The following MMP16 variants were observed in gnomAD, a reference collection of about 807,000 sequenced individuals.
MMP16 encodes the protein matrix metalloproteinase-16.
In MMP16, 12 loss-of-function variants were observed where a neutral mutation model predicts 67.8. The observed-to-expected ratio is 0.18, with a 90% CI of 0.11 to 0.29. The LOEUF (loss-of-function observed/expected upper bound fraction) is 0.29, where lower values mean the gene tolerates loss of function less well. MMP16 is among the 10% of genes least tolerant of loss of function. The pLI, the probability that MMP16 is intolerant of heterozygous loss-of-function variation, is 1.00. For synonymous variants in MMP16, 249 were observed against 255.9 expected, an observed-to-expected ratio of 0.97 and a Z score of 0.26; for missense variants, 475 against 765.7, an observed-to-expected ratio of 0.62 and a Z score of 4.48.
At chr8:88,319,564 A>C (rs1447295053) in intron 1 of MMP16, among the ~76,000 whole-genome samples, 1 of 152,104 alleles carries the variant, frequency 6.6e-6, no homozygotes, top group Non-Finnish European at 1.5e-5. Context: ...AAACAATGAG[A>C]AATTACCAAC....
intron 1 of MMP16, among the ~76,000 whole-genome samples, chr8:88,197,685 T>A (rs935075312): frequency 1.3e-5 from 2 of 152,176 alleles, no homozygotes; most frequent in Non-Finnish European, 2.9e-5. Flanking sequence ...TCTATTGAGA[T>A]GTTTATGTTG....
At chr8:88,146,625 C>G (rs1448546173) in intron 4 of MMP16, among the ~76,000 whole-genome samples, 1 of 151,720 alleles carries the variant, frequency 6.6e-6, no homozygotes, top group Non-Finnish European at 1.5e-5. Context: ...TCTGTGTACA[C>G]TTAGTATTTG....
intron 1 of MMP16, among the ~76,000 whole-genome samples, chr8:88,320,180 G>A (rs916204445): frequency 6.6e-6 from 1 of 152,096 alleles, no homozygotes; most frequent in Non-Finnish European, 1.5e-5. Flanking sequence ...TTAAAAGGAA[G>A]AATAGGTAGA....
chr8:88,046,866 C>A (rs1002129459), intron 8 of MMP16, 82 bp from the exon 9 acceptor site: 35 of 845,402 alleles, frequency 4.1e-5, no homozygotes, highest in Non-Finnish European at 5.8e-5. Flanking sequence ...TAATAGCTGA[C>A]ATTTATTAGA....
chr8:88,096,844 A>G (rs1809036286), intron 6 of MMP16, among the ~76,000 whole-genome samples: 1 of 152,022 alleles, frequency 6.6e-6, no homozygotes, highest in Admixed American at 6.6e-5. Context: ...ATGATTGGAA[A>G]CGCGAGAAAA....
chr8:88,162,568 A>C (rs1808646457), intron 4 of MMP16, among the ~76,000 whole-genome samples: 1 of 152,050 alleles, frequency 6.6e-6, no homozygotes, highest in Admixed American at 6.6e-5. Context: ...AGATGAATTT[A>C]GACAGTATTC....
intron 7 of MMP16, among the ~76,000 whole-genome samples, chr8:88,061,090 C>A (rs1808393115): frequency 6.6e-6 from 1 of 150,584 alleles, no homozygotes; most frequent in South Asian, 2.1e-4. Flanking sequence ...CATAAAAATG[C>A]AAACTTACCC....
intron 3 of MMP16, among the ~76,000 whole-genome samples, chr8:88,184,778 A>AAAAG (rs1809046493): frequency 1.5e-5 from 2 of 130,114 alleles, no homozygotes; most frequent in Admixed American, 8.2e-5. Context: ...AAAAAAAAAA[A>AAAAG]GAAAAGAAAA....
At chr8:88,279,276 T>C (rs987212238) in intron 1 of MMP16, among the ~76,000 whole-genome samples, 10 of 152,218 alleles carry the variant, frequency 6.6e-5, no homozygotes, top group African/African-American at 2.2e-4. Flanking sequence ...CATTAATATT[T>C]TTATTGGTCA....
At chr8:88,210,861 C>T (rs932217709) in intron 1 of MMP16, among the ~76,000 whole-genome samples, 3 of 152,110 alleles carry the variant, frequency 2.0e-5, no homozygotes, top group African/African-American at 7.2e-5. Context: ...ATGTAAACAA[C>T]ACACCAAGAG....
intron 8 of MMP16, among the ~76,000 whole-genome samples, chr8:88,052,556 G>C (rs1339045583): frequency 1.3e-5 from 2 of 152,164 alleles, no homozygotes; most frequent in African/African-American, 4.8e-5. Context: ...AGAAGATCAT[G>C]TCACTTTCCT....
chr8:88,283,793 C>A (rs937988656), intron 1 of MMP16, among the ~76,000 whole-genome samples: 4 of 152,078 alleles, frequency 2.6e-5, no homozygotes, highest in African/African-American at 9.7e-5. Flanking sequence ...CTCATATTCC[C>A]ATAAATGTAC....
At chr8:88,151,305 C>G (rs1808402331) in intron 4 of MMP16, among the ~76,000 whole-genome samples, 6 of 148,760 alleles carry the variant, frequency 4.0e-5, no homozygotes, top group South Asian at 2.2e-4. Flanking sequence ...ACAGATCAAC[C>G]AGACAGAAAG....
chr8:88,214,142 C>A (rs1472880401), intron 1 of MMP16, among the ~76,000 whole-genome samples: 2 of 152,176 alleles, frequency 1.3e-5, no homozygotes, highest in Non-Finnish European at 2.9e-5. Flanking sequence ...AAGATGAACT[C>A]TCTCCAGAAC....
At chr8:88,162,856 C>T (rs888218325) in intron 4 of MMP16, among the ~76,000 whole-genome samples, 1 of 151,960 alleles carries the variant, frequency 6.6e-6, no homozygotes, top group Non-Finnish European at 1.5e-5. Flanking sequence ...TCACTGAGGC[C>T]TCCCCAGTCA....
intron 4 of MMP16, among the ~76,000 whole-genome samples, chr8:88,143,650 AAGATTTT>A (rs1808247581): frequency 6.6e-6 from 1 of 152,046 alleles, no homozygotes; most frequent in Non-Finnish European, 1.5e-5. Context: ...TGATTAGGAA[AAGATTTT>A]AGGTTGATTA....
chr8:88,213,538 T>A (rs1367767688), intron 1 of MMP16, among the ~76,000 whole-genome samples: 1 of 152,130 alleles, frequency 6.6e-6, no homozygotes. Context: ...TCTGGTATAG[T>A]TGCCATATAA....
At chr8:88,230,535 CTTTTTT>C (rs3060800) in intron 1 of MMP16, among the ~76,000 whole-genome samples, 2 of 142,504 alleles carry the variant, frequency 1.4e-5, no homozygotes, top group Admixed American at 1.4e-4. Flanking sequence ...GATCAATTTT[CTTTTTT>C]TTTTTTTTTT....
At chr8:88,279,978 C>T (rs1810706988) in intron 1 of MMP16, among the ~76,000 whole-genome samples, 1 of 152,092 alleles carries the variant, frequency 6.6e-6, no homozygotes, top group East Asian at 1.9e-4. Flanking sequence ...AGGAGGTTCC[C>T]GAGGGGCAGA....
Sources: gnomAD v4.1 joint callset for allele counts (sites outside exome capture counted in the v4.1 genomes callset) on GRCh38, gnomAD v4.1.1 for gene constraint, MANE v1.5 for transcripts, NCBI Gene and HGNC (gene_info 2026-07-23, HGNC 2026-07-21) for gene names.